The following POLD1 variants were observed in gnomAD, a reference collection of about 807,000 sequenced individuals.
The protein encoded by POLD1 is DNA polymerase delta 1, catalytic subunit.
POLD1 carries 79 observed loss-of-function variants against 129.7 expected under a neutral mutation model. The observed-to-expected ratio is 0.61, with a 90% CI of 0.51 to 0.73. POLD1 has a LOEUF of 0.73. Among genes scored for constraint, POLD1 ranks in the 30% least tolerant of loss-of-function variants. The pLI is 0.00. For missense variants in POLD1, 1,338 were observed against 1,595.8 expected (o/e 0.84, Z 2.75); for synonymous variants, 714 against 683.3 (o/e 1.04, Z -0.70).
chr19:50,386,081 C>T (rs55735872), intron 1 of POLD1, among the ~76,000 whole-genome samples: 2,740 of 151,922 alleles, frequency 0.018, 74 homozygotes, highest in African/African-American at 0.059. Flanking sequence ...AGAACCTGTG[C>T]GCTCAGGGAA....
Position 50,416,370 on chromosome 19 carries a change from C to T in POLD1, c.2821-26C>T, listed in dbSNP as rs758575859. The T allele has an allele frequency of 8.3e-5, 129 of 1,546,606 alleles. No homozygotes were observed. Among genetic ancestry groups the T allele is most frequent in the Non-Finnish European group, 1.1e-4 (121 of 1,146,242 alleles). ...CCCCGGTGCCCTTTCCCTGGCTGCC[C>T]GGGTGTGACTGCCATGTGGCCGCAG... On this transcript the variant is annotated intron_variant, in intron 22 of 26. Coordinates refer to ENST00000440232, the MANE Select transcript of POLD1 (RefSeq NM_002691.4).
chr19:50,406,371 C>G lies in POLD1; in HGVS notation c.1384-36C>G, dbSNP rs538253749. 6.2e-7 allele frequency: 1 copy of G among 1,610,644 alleles called. No homozygotes were observed. Among genetic ancestry groups the G allele is most frequent in the Middle Eastern group, 1.7e-4 (1 of 6,036 alleles). Reference sequence around the variant, plus strand: ...TCCCTGTCCTTGGAAGGCCACTGCCCAGGCCCGCAGCCCACCAGCCCACCC... The same window carrying G: ...TCCCTGTCCTTGGAAGGCCACTGCCGAGGCCCGCAGCCCACCAGCCCACCC... On this transcript the variant is annotated intron_variant, in intron 11 of 26. Coordinates refer to ENST00000440232, the MANE Select transcript of POLD1 (RefSeq NM_002691.4). The surrounding 1 kb of genome is among the most constrained non-coding windows in gnomAD (Gnocchi z 5.5).
Position 50,403,435 on chromosome 19 carries a change from G to A in POLD1, c.1138-58G>A. On this transcript the variant is annotated intron_variant, in intron 9 of 26. Transcript: ENST00000440232. ...GCTGGGGTTCTAGAACATTCTGGAA[G>A]TAGGGGAATCCGAGGCAGGGCAACC... is the stretch of plus-strand genomic sequence containing the variant. The A allele has an allele frequency of 3.0e-6, 4 of 1,341,280 alleles. No homozygotes were observed. In the South Asian group the frequency reaches 4.7e-5, roughly 16 times the overall value. 83.1% of individuals were successfully genotyped at this position (1,341,280 alleles called of 1,614,324 possible).
In POLD1 at chr19:50,402,109, C is replaced by A; in HGVS notation, c.574C>A (p.Leu192Met). ...LTGPAVLAVE[L>M]CSRESMFGYH... ...TGGGCCGGCCGTGCTGGCTGTGGAA[C>A]TGTGCTCCCGAGAGAGTGAGTGCTC... is the stretch of plus-strand genomic sequence containing the variant. Residue 192 changes from leucine to methionine, a missense_variant, in exon 5 of 27, where the codon CTG (leucine) becomes ATG (methionine). By Grantham distance (15) the Leu-to-Met change is conservative. Transcript: ENST00000440232. 6.2e-7 allele frequency: 1 copy of A among 1,612,772 alleles called. No individual in the cohort carries two copies. Among genetic ancestry groups the A allele is most frequent in the Non-Finnish European group, 8.5e-7 (1 of 1,179,258 alleles).
chr19:50,413,268 T>C (rs745555323), intron 17 of POLD1, among the ~76,000 whole-genome samples, 158 bp from the exon 18 acceptor site: 4 of 152,142 alleles, frequency 2.6e-5, no homozygotes, highest in Non-Finnish European at 5.9e-5. Context: ...ATAGTCCCAT[T>C]TTGCAGATTT....
chr19:50,411,239 C>G (rs2039077425), intron 17 of POLD1, among the ~76,000 whole-genome samples: 1 of 152,204 alleles, frequency 6.6e-6, no homozygotes, highest in Admixed American at 6.5e-5. Flanking sequence ...CCAGACCTTT[C>G]TTTGCACAAA....
intron 17 of POLD1, among the ~76,000 whole-genome samples, chr19:50,412,979 G>A (rs1169030323): frequency 6.6e-6 from 1 of 152,098 alleles, no homozygotes; most frequent in Non-Finnish European, 1.5e-5. Context: ...GCCACCCCCT[G>A]CTCTGGGGGG....
intron 1 of POLD1, among the ~76,000 whole-genome samples, chr19:50,398,350 T>C (rs956513473): frequency 3.3e-5 from 5 of 151,772 alleles, no homozygotes; most frequent in African/African-American, 1.2e-4. Context: ...GGCGAGTGGA[T>C]CACCTGAGGT....
intron 1 of POLD1, among the ~76,000 whole-genome samples, chr19:50,388,825 CTTTTTTTTTTTTT>C (rs34487979): frequency 4.5e-5 from 4 of 88,896 alleles, no homozygotes; most frequent in East Asian, 3.7e-4. Flanking sequence ...GCAGTTAACT[CTTTTTTTTTTTTT>C]TTTTTTTTTT....
chr19:50,413,942 GTTC>G (rs2039185407), intron 19 of POLD1, 63 bp downstream of exon 19: 1 of 1,469,576 alleles, frequency 6.8e-7, no homozygotes, highest in African/African-American at 1.4e-5. Context: ...AGGGTGTCCC[GTTC>G]TTTGGGTTCA....
At chr19:50,401,003 C>T (rs1384660249) in intron 3 of POLD1, among the ~76,000 whole-genome samples, 1 of 151,572 alleles carries the variant, frequency 6.6e-6, no homozygotes, top group Admixed American at 6.6e-5. Flanking sequence ...GCCTGGCTAA[C>T]TTTTAAAAAT....
intron 1 of POLD1, among the ~76,000 whole-genome samples, chr19:50,398,386 A>G (rs1375234112): frequency 6.6e-6 from 1 of 152,024 alleles, no homozygotes; most frequent in Non-Finnish European, 1.5e-5. Context: ...AGCCTGGCCA[A>G]CATGGCAAAA....
rs766743045 is a variant in POLD1 at position 50,409,160 on chromosome 19, A to G, written c.1931A>G (p.Asp644Gly). 6.2e-7 allele frequency: 1 copy of G among 1,613,716 alleles called. No homozygotes were observed. Among genetic ancestry groups the G allele is most frequent in the African/African-American group, 1.3e-5 (1 of 75,038 alleles). ...EDQFIRTPTGDEFVKTSVRKG... is the reference protein window; with the variant it reads ...EDQFIRTPTGGEFVKTSVRKG... Reference sequence around the variant, plus strand: ...CAGTTCATCAGGACCCCCACCGGGGACGAGTTTGTGAAGACCTCAGTGCGG... The same window carrying G: ...CAGTTCATCAGGACCCCCACCGGGGGCGAGTTTGTGAAGACCTCAGTGCGG... The change falls in exon 16 of 27, where the codon GAC becomes GGC. Residue 644 changes from aspartate (D) to glycine (G), a missense_variant. By Grantham distance (94) the Asp-to-Gly change is moderately conservative (BLOSUM62 -1). Coordinates refer to ENST00000440232, the MANE Select transcript of POLD1 (RefSeq NM_002691.4). This position sits in a 1 kb window ranked among gnomAD's most constrained non-coding sequence, Gnocchi z 5.8.
At chr19:50,415,941 G>A in intron 22 of POLD1, 115 bp downstream of exon 22, 2 of 762,354 alleles carry the variant, frequency 2.6e-6, no homozygotes, top group South Asian at 3.7e-5. Flanking sequence ...GGGGCCCTGA[G>A]AACCGCCCCC....
chr19:50,400,211 A>ATTTTTTTTTTTTTTTTTTTTTTT (rs549820323), intron 3 of POLD1, among the ~76,000 whole-genome samples: 1 of 67,824 alleles, frequency 1.5e-5, no homozygotes, highest in Admixed American at 1.8e-4. Context: ...CTGGCCAATA[A>ATTTTTTTTTTTTTTTTTTTTTTT]TTTTTTTTTT....
At chr19:50,397,344 G>T (rs1399494743) in intron 1 of POLD1, among the ~76,000 whole-genome samples, 1 of 151,716 alleles carries the variant, frequency 6.6e-6, no homozygotes, top group Non-Finnish European at 1.5e-5. Context: ...AGCGGAAGTT[G>T]CAGTGAATCG....
rs1252336662 is a variant in POLD1 at position 50,406,578 on chromosome 19, G to A, written c.1494+61G>A. 8 of 1,262,096 alleles carry A rather than the reference G, an allele frequency of 6.3e-6. No homozygotes were observed. The highest frequency in any genetic ancestry group is 3.0e-5 in the African/African-American group (2 of 67,554). 78.2% of individuals were successfully genotyped at this position (1,262,096 alleles called of 1,614,324 possible). On this transcript the variant is annotated intron_variant, in intron 12 of 26. Coordinates refer to ENST00000440232, the MANE Select transcript of POLD1 (RefSeq NM_002691.4). The surrounding 1 kb of genome is among the most constrained non-coding windows in gnomAD (Gnocchi z 5.5). Reference sequence around the variant, plus strand: ...CTGACCTCCACCTCACCCTTCCCCGGCCTCTGACCTCAACTTCACGCCCCC... The same window carrying A: ...CTGACCTCCACCTCACCCTTCCCCGACCTCTGACCTCAACTTCACGCCCCC...
Position 50,400,821 on chromosome 19 carries a change from C to T in POLD1, c.317-957C>T, listed in dbSNP as rs890308550. 7.3e-5 allele frequency among the ~76,000 whole-genome samples: 11 copies of T among 151,438 alleles called. No homozygotes were observed. In the South Asian group the frequency reaches 1.3e-3, roughly 17 times the overall value. The stretch of plus-strand genomic sequence containing the variant: ...ACGCCATTCTCCTGCCTCAGCCTCC[C>T]GAGTTGCTGGGACTACAGGCACCCG... On this transcript the variant is annotated intron_variant, in intron 3 of 26. Coordinates refer to ENST00000440232, the MANE Select transcript of POLD1 (RefSeq NM_002691.4).
At chr19:50,416,057 A>G in intron 22 of POLD1, 1 of 570,524 alleles carries the variant, frequency 1.8e-6, no homozygotes, top group Non-Finnish European at 3.1e-6. Flanking sequence ...CCCTGTGCAT[A>G]CAGCTCCCCA....
Sources: gnomAD v4.1 joint callset for allele counts (sites outside exome capture counted in the v4.1 genomes callset) on GRCh38, gnomAD v4.1.1 for gene constraint, Gnocchi (gnomAD v3.1) non-coding constraint, MANE v1.5 for transcripts, NCBI Gene and HGNC (gene_info 2026-07-23, HGNC 2026-07-21) for gene names.